The following NOL4 variants were observed in gnomAD, a reference collection of about 807,000 sequenced individuals.
NOL4 encodes the protein cancer/testis antigen 125.
Under a neutral mutation model 75.9 loss-of-function variants are expected in NOL4, and 17 were observed. The observed-to-expected ratio is 0.22, with a 90% CI of 0.15 to 0.34. The LOEUF (loss-of-function observed/expected upper bound fraction) is 0.34. Ranked by LOEUF, NOL4 falls within the 10% of genes least tolerant of loss-of-function variation. The pLI, the probability that NOL4 is intolerant of heterozygous loss-of-function variation, is 1.00. For synonymous variants in NOL4, 292 were observed against 289.9 expected, an observed-to-expected ratio of 1.01 and a Z score of -0.07; for missense variants, 614 against 793.5, an observed-to-expected ratio of 0.77 and a Z score of 2.72.
chr18:33,938,172 T>A (rs1464258797), intron 9 of NOL4, among the ~76,000 whole-genome samples: 2 of 152,040 alleles, frequency 1.3e-5, no homozygotes, highest in African/African-American at 4.8e-5. Flanking sequence ...GCACAAATCA[T>A]TCCACCTCTC....
At chr18:34,218,344 C>T (rs1168262585) in intron 1 of NOL4, among the ~76,000 whole-genome samples, 2 of 152,178 alleles carry the variant, frequency 1.3e-5, no homozygotes, top group Non-Finnish European at 2.9e-5. Context: ...CCAAATCTTG[C>T]CCCATCTCCC....
chr18:33,992,169 A>G (rs1380437976), intron 6 of NOL4, among the ~76,000 whole-genome samples: 1 of 152,012 alleles, frequency 6.6e-6, no homozygotes, highest in Non-Finnish European at 1.5e-5. Context: ...CTAAGTTGTG[A>G]TTTATAAAAT....
rs2079158323 is a variant in NOL4, at chr18:34,104,071, C to T, written c.615G>A (p.Gln205=). The T allele has an allele frequency of 6.2e-7, 1 of 1,610,926 alleles. No individual in the cohort carries two copies. Among genetic ancestry groups the T allele is most frequent in the South Asian group, 1.1e-5 (1 of 90,968 alleles). Residue 205 remains glutamine (Q), a synonymous_variant, in exon 4 of 11, where the codon CAG becomes CAA. Coordinates refer to ENST00000261592, the MANE Select transcript of NOL4 (RefSeq NM_003787.5). ...CCTCATCTTGCTGTGAGTTTAGCAG[C>T]TGCAGCTTCATGTGTTTCATGTAGG... ...TMAYMKHMKL[Q]LLNSQQDEDE...
chr18:34,143,724 G>T (rs1381901813), intron 1 of NOL4, among the ~76,000 whole-genome samples: 4 of 151,946 alleles, frequency 2.6e-5, no homozygotes, highest in Admixed American at 6.6e-5. Context: ...AATTAGCCAG[G>T]TGTGGTGGCA....
At chr18:34,074,033 T>G (rs1388700842) in intron 5 of NOL4, among the ~76,000 whole-genome samples, 1 of 151,834 alleles carries the variant, frequency 6.6e-6, no homozygotes, top group Non-Finnish European at 1.5e-5. Flanking sequence ...AACAAGAAGT[T>G]ACTTATAAAT....
chr18:34,186,332 ACTT>A (rs766122763), intron 1 of NOL4, among the ~76,000 whole-genome samples: 4 of 152,154 alleles, frequency 2.6e-5, no homozygotes, highest in Non-Finnish European at 5.9e-5. Flanking sequence ...TAAAGTTTAA[ACTT>A]CTTATTTTAA....
intron 4 of NOL4, among the ~76,000 whole-genome samples, chr18:34,094,482 G>A (rs1485783042): frequency 6.6e-6 from 1 of 152,020 alleles, no homozygotes; most frequent in African/African-American, 2.4e-5. Context: ...TTACCAAAAG[G>A]CCAGTTTGCT....
intron 9 of NOL4, among the ~76,000 whole-genome samples, chr18:33,887,078 CTATA>C (rs886095598): frequency 7.6e-6 from 1 of 132,222 alleles, no homozygotes; most frequent in Non-Finnish European, 1.6e-5. Flanking sequence ...ATATATATAT[CTATA>C]TATATTAGAT....
intron 10 of NOL4, among the ~76,000 whole-genome samples, chr18:33,883,006 T>G (rs181599180): frequency 0.015 from 2,225 of 151,238 alleles, 47 homozygotes; most frequent in African/African-American, 0.052. Context: ...AATTGAACAA[T>G]GAGAACACAT....
At chr18:33,932,698 A>C (rs1224222609) in intron 9 of NOL4, among the ~76,000 whole-genome samples, 1 of 152,140 alleles carries the variant, frequency 6.6e-6, no homozygotes, top group African/African-American at 2.4e-5. Context: ...AAGAGTATTA[A>C]AAATGAAAAT....
intron 1 of NOL4, among the ~76,000 whole-genome samples, chr18:34,136,481 GAACT>G (rs2080897105): frequency 6.6e-6 from 1 of 151,990 alleles, no homozygotes; most frequent in African/African-American, 2.4e-5. Context: ...AAAACTGTTA[GAACT>G]AATAAATGAG....
At chr18:34,099,196 C>T (rs1390669909) in intron 4 of NOL4, among the ~76,000 whole-genome samples, 1 of 151,334 alleles carries the variant, frequency 6.6e-6, no homozygotes, top group African/African-American at 2.4e-5. Context: ...AACCCCATCT[C>T]TACTAAAAAT....
chr18:34,009,273 T>C (rs1407194674), intron 6 of NOL4, among the ~76,000 whole-genome samples: 2 of 151,858 alleles, frequency 1.3e-5, no homozygotes, highest in Non-Finnish European at 2.9e-5. Context: ...TATTCCAGAT[T>C]CCTGGATAAT....
Position 33,877,851 on chromosome 18 carries a change from TGC to T in NOL4, c.1723+5391_1723+5392del, listed in dbSNP as rs1555641507. Reference sequence around the variant, plus strand: ...TTGTGTGTGTGTGTGTGTGTGTGTGTGCGCTATCATACATGCTTCAGAGGTTA... The same window carrying T: ...TTGTGTGTGTGTGTGTGTGTGTGTGTGCTATCATACATGCTTCAGAGGTTA... On this transcript the variant is annotated intron_variant, in intron 10 of 10. Coordinates refer to ENST00000261592, the MANE Select transcript of NOL4 (RefSeq NM_003787.5). 8.1e-5 allele frequency among the ~76,000 whole-genome samples: 12 copies of T among 148,608 alleles called. No homozygotes were observed. The East Asian group carries it at 1.0e-3, about 12-fold the overall frequency.
intron 1 of NOL4, among the ~76,000 whole-genome samples, chr18:34,150,492 G>A (rs1159185075): frequency 1.3e-5 from 2 of 151,644 alleles, no homozygotes; most frequent in African/African-American, 4.8e-5. Flanking sequence ...ATGAAGAAAA[G>A]ATAGTTTTAA....
intron 1 of NOL4, among the ~76,000 whole-genome samples, chr18:34,147,859 T>C (rs1419290990): frequency 6.6e-6 from 1 of 152,068 alleles, no homozygotes; most frequent in Non-Finnish European, 1.5e-5. Context: ...GTCTTTTTGG[T>C]TGGTAGGCTA....
intron 9 of NOL4, among the ~76,000 whole-genome samples, chr18:33,932,212 C>A (rs1207083576): frequency 6.6e-6 from 1 of 151,890 alleles, no homozygotes; most frequent in African/African-American, 2.4e-5. Flanking sequence ...AATATCAGGA[C>A]ATTTTATATA....
Position 33,853,085 on chromosome 18 carries a change from C to T in NOL4, c.1724-50G>A, listed in dbSNP as rs75928939. 1,798 of 1,479,514 alleles carry T rather than the reference C, an allele frequency of 1.2e-3. 20 individuals carry two copies. In the African/African-American group the frequency reaches 0.022, roughly 18 times the overall value. 91.6% of individuals were successfully genotyped at this position (1,479,514 alleles called of 1,614,324 possible). ...TAGACATAAATATTATTTGTTCCAG[C>T]ATCTTGGATGTGAGCATTCAATAAA... On this transcript the variant is annotated intron_variant, in intron 10 of 10. Coordinates refer to ENST00000261592, the MANE Select transcript of NOL4 (RefSeq NM_003787.5).
At chr18:33,976,895 C>G (rs917598985) in intron 6 of NOL4, among the ~76,000 whole-genome samples, 26 of 152,142 alleles carry the variant, frequency 1.7e-4, no homozygotes, top group African/African-American at 6.3e-4. Flanking sequence ...ATTTCACTGG[C>G]CTAGGCTTTA....
Sources: gnomAD v4.1 joint callset for allele counts (sites outside exome capture counted in the v4.1 genomes callset) on GRCh38, gnomAD v4.1.1 for gene constraint, MANE v1.5 for transcripts, NCBI Gene and HGNC (gene_info 2026-07-23, HGNC 2026-07-21) for gene names.